SLC6A13: variants seen among roughly 807,000 people sequenced by gnomAD.
SLC6A13 encodes sodium- and chloride-dependent GABA transporter 2.
Under a neutral mutation model 72.9 loss-of-function variants are expected in SLC6A13, and 69 were observed. The ratio of observed to expected loss-of-function variants is 0.95; its 90% CI spans 0.78 to 1.16. The LOEUF (loss-of-function observed/expected upper bound fraction) is 1.16. Ranked by LOEUF, SLC6A13 falls within the 50% of genes most tolerant of loss-of-function variation. The probability of loss-of-function intolerance (pLI) is 0.00; values close to 1 mark genes in which losing one functional copy is unlikely to be tolerated. For missense variants in SLC6A13, 735 were observed against 760.5 expected, an observed-to-expected ratio of 0.97 and a Z score of 0.39; for synonymous variants, 303 against 303.0, an observed-to-expected ratio of 1.00 and a Z score of 0.00.
intron 7 of SLC6A13, among the ~76,000 whole-genome samples, chr12:232,969 TCA>T (rs1941772711): frequency 6.6e-6 from 1 of 151,960 alleles, no homozygotes; most frequent in South Asian, 2.1e-4. Context: ...GCTCCCAGCC[TCA>T]GTGTGCCTGT....
At chr12:226,775 C>T (rs1267389303) in intron 8 of SLC6A13, 1 of 358,556 alleles carries the variant, frequency 2.8e-6, no homozygotes, top group African/African-American at 2.1e-5. Flanking sequence ...GGAAGCAAAA[C>T]ATGGATCTAG....
chr12:237,100 AG>A (rs1941961069), intron 6 of SLC6A13, 57 bp downstream of exon 6: 4 of 1,582,892 alleles, frequency 2.5e-6, no homozygotes, highest in Non-Finnish European at 3.5e-6. Flanking sequence ...CCTGGGTGAC[AG>A]CCCCCAGTGA....
intron 4 of SLC6A13, among the ~76,000 whole-genome samples, chr12:241,864 C>T (rs139942929): frequency 2.6e-5 from 4 of 152,360 alleles, no homozygotes; most frequent in African/African-American, 9.6e-5. Context: ...ACGCTTCAGC[C>T]AACAGTGGAT....
intron 1 of SLC6A13, 115 bp from the exon 2 acceptor site, chr12:260,172 T>G: frequency 8.8e-7 from 1 of 1,135,490 alleles, no homozygotes; most frequent in Non-Finnish European, 1.3e-6. Flanking sequence ...GGTGAATTTC[T>G]ATTCCCTTCC....
At chr12:244,341 G>A (rs1942274825) in intron 2 of SLC6A13, among the ~76,000 whole-genome samples, 1 of 152,162 alleles carries the variant, frequency 6.6e-6, no homozygotes, top group Non-Finnish European at 1.5e-5. Context: ...AGTCATGAGG[G>A]CTCTGCCCTC....
At chr12:238,102 G>T in intron 4 of SLC6A13, 92 bp from the exon 5 acceptor site, 1 of 1,572,682 alleles carries the variant, frequency 6.4e-7, no homozygotes, top group Non-Finnish European at 8.7e-7. Flanking sequence ...TAGGAGAATG[G>T]GAAGGAAGGT....
intron 2 of SLC6A13, among the ~76,000 whole-genome samples, chr12:248,663 T>A (rs1031814547): frequency 6.6e-6 from 1 of 152,138 alleles, no homozygotes; most frequent in Non-Finnish European, 1.5e-5. Flanking sequence ...GAGAAACATA[T>A]AAACTAATTC....
chr12:257,015 G>C (rs902087474), intron 2 of SLC6A13, among the ~76,000 whole-genome samples: 3 of 152,116 alleles, frequency 2.0e-5, no homozygotes, highest in Non-Finnish European at 2.9e-5. Flanking sequence ...ATTCTCCCCA[G>C]CCTCCTTCCC....
intron 1 of SLC6A13, among the ~76,000 whole-genome samples, chr12:261,681 C>T (rs1185026052): frequency 6.6e-6 from 1 of 152,146 alleles, no homozygotes; most frequent in Non-Finnish European, 1.5e-5. Context: ...AATCCCAGCA[C>T]TTGGGAGGCC....
chr12:236,793 T>G, intron 6 of SLC6A13: 1 of 161,228 alleles, frequency 6.2e-6, no homozygotes, highest in Non-Finnish European at 1.4e-5. Context: ...CTGGAATTCT[T>G]GAGTTGATTA....
At chr12:240,566 C>A (rs552710514) in intron 4 of SLC6A13, among the ~76,000 whole-genome samples, 46 of 152,216 alleles carry the variant, frequency 3.0e-4, no homozygotes, top group Non-Finnish European at 6.5e-4. Flanking sequence ...TGAGTGCTTA[C>A]GATAGAGCCA....
chr12:241,045 C>T (rs759099265), intron 4 of SLC6A13, among the ~76,000 whole-genome samples: 2 of 152,208 alleles, frequency 1.3e-5, no homozygotes, highest in African/African-American at 2.4e-5. Context: ...GTGGCTCACG[C>T]CTGTAATCCC....
At chr12:242,003 A>C (rs1689553344) in intron 4 of SLC6A13, among the ~76,000 whole-genome samples, 1 of 152,258 alleles carries the variant, frequency 6.6e-6, no homozygotes, top group South Asian at 2.1e-4. Context: ...TGTTCGGCAC[A>C]GTATTATAGC....
chr12:246,046 A>G (rs942209428), intron 2 of SLC6A13, among the ~76,000 whole-genome samples: 3 of 152,048 alleles, frequency 2.0e-5, no homozygotes, highest in Admixed American at 6.6e-5. Context: ...TGAACCCAGG[A>G]GGCGGAGGTT....
chr12:258,845 T>C (rs1198946671), intron 2 of SLC6A13: 1 of 855,420 alleles, frequency 1.2e-6, no homozygotes, highest in Non-Finnish European at 1.4e-6. Flanking sequence ...CATGCACACA[T>C]TTGTGCTGCG....
intron 2 of SLC6A13, chr12:258,881 T>C: frequency 1.0e-6 from 1 of 977,826 alleles, no homozygotes; most frequent in Non-Finnish European, 1.2e-6. Context: ...GAGCCTATAC[T>C]AGAAGGGGCT....
chr12:256,110 G>A (rs368135473), intron 2 of SLC6A13, among the ~76,000 whole-genome samples: 10 of 152,118 alleles, frequency 6.6e-5, no homozygotes, highest in African/African-American at 2.2e-4. Context: ...TTTTTCTATA[G>A]CACTCATTAA....
At chr12:234,562 G>A (rs1476642197) in intron 7 of SLC6A13, among the ~76,000 whole-genome samples, 1 of 151,786 alleles carries the variant, frequency 6.6e-6, no homozygotes, top group Admixed American at 6.6e-5. Context: ...CTGTTGCCCA[G>A]GCTAGAGTGC....
chr12:229,290 A>T (rs1941607482), intron 7 of SLC6A13, among the ~76,000 whole-genome samples: 1 of 152,206 alleles, frequency 6.6e-6, no homozygotes, highest in South Asian at 2.1e-4. Flanking sequence ...TCCCCGTTTA[A>T]AAAAAGAAAA....
Sources: allele counts gnomAD v4.1 joint callset (sites outside exome capture counted in the v4.1 genomes callset), GRCh38; gene constraint gnomAD v4.1.1; transcripts MANE v1.5; gene names NCBI Gene and HGNC (gene_info 2026-07-23, HGNC 2026-07-21).